Variants in DGKB observed in about 807,000 individuals in gnomAD.
DGKB encodes the protein diacylglycerol kinase beta, also known as 90 kDa diacylglycerol kinase.
A neutral mutation model predicts 114.3 loss-of-function variants in DGKB; 67 were observed. The observed-to-expected ratio is 0.59, with a 90% CI of 0.48 to 0.72. The LOEUF is 0.72. DGKB is among the 30% of genes least tolerant of loss of function. DGKB has a pLI of 0.00. For missense variants in DGKB, 907 were observed against 975.2 expected (o/e 0.93, Z 0.93); for synonymous variants, 398 against 323.1 (o/e 1.23, Z -2.49).
chr7:14,394,096 A>G (rs1446460449), intron 21 of DGKB, among the ~76,000 whole-genome samples: 1 of 152,184 alleles, frequency 6.6e-6, no homozygotes, highest in Non-Finnish European at 1.5e-5. Flanking sequence ...AGTGATGGAA[A>G]AGATCAATTA....
chr7:14,589,918 G>A (rs1251385302), intron 17 of DGKB, among the ~76,000 whole-genome samples: 1 of 147,434 alleles, frequency 6.8e-6, no homozygotes, highest in Admixed American at 6.8e-5. Context: ...ATGTTGCAGA[G>A]TATTCCCCAT....
Position 14,816,227 on chromosome 7 carries a change from T to C in DGKB, c.70+24967A>G, listed in dbSNP as rs113779738. Among the ~76,000 whole-genome samples, 1,007 of 152,194 alleles carry C rather than the reference T, an allele frequency of 6.6e-3. 11 individuals are homozygous for C. Among genetic ancestry groups the C allele is most frequent in the African/African-American group, 0.023 (950 of 41,516 alleles). On this transcript the variant is annotated intron_variant, in intron 2 of 25. Coordinates refer to ENST00000402815, the MANE Select transcript of DGKB (RefSeq NM_001350709.2). ...CATGGTCCTGTAGTCCCAGCTACTC[T>C]GGAGGCCGAGACAGGAGAATCGCTT... is the stretch of plus-strand genomic sequence containing the variant.
chr7:14,595,371 T>C (rs1270699526), intron 17 of DGKB, among the ~76,000 whole-genome samples: 1 of 151,966 alleles, frequency 6.6e-6, no homozygotes, highest in Non-Finnish European at 1.5e-5. Context: ...GGGAGAAAAC[T>C]AGTTTAGTAA....
intron 20 of DGKB, among the ~76,000 whole-genome samples, chr7:14,502,976 A>C (rs1345023282): frequency 6.6e-6 from 1 of 152,128 alleles, no homozygotes; most frequent in Non-Finnish European, 1.5e-5. Context: ...TCAACAAAAG[A>C]ACCACTAGAC....
At chr7:14,175,304 A>C (rs931322136) in intron 25 of DGKB, among the ~76,000 whole-genome samples, 1 of 152,200 alleles carries the variant, frequency 6.6e-6, no homozygotes, top group African/African-American at 2.4e-5. Context: ...ATTCAGCACA[A>C]TGCTTGTGCA....
At chr7:14,507,148 T>G (rs1009667194) in intron 20 of DGKB, among the ~76,000 whole-genome samples, 1 of 152,224 alleles carries the variant, frequency 6.6e-6, no homozygotes, top group African/African-American at 2.4e-5. Flanking sequence ...GCCTGCTTGT[T>G]GTTGCAGCAT....
intron 20 of DGKB, among the ~76,000 whole-genome samples, chr7:14,573,130 G>A (rs1034744605): frequency 1.8e-4 from 27 of 152,082 alleles, no homozygotes; most frequent in Non-Finnish European, 3.1e-4. Flanking sequence ...CACTAAGAAA[G>A]CTGTTAAAAA....
intron 19 of DGKB, among the ~76,000 whole-genome samples, chr7:14,575,241 A>C (rs1798951540): frequency 6.6e-6 from 1 of 152,154 alleles, no homozygotes; most frequent in African/African-American, 2.4e-5. Context: ...CAGTTCTCAA[A>C]ACTAGCCCTA....
chr7:14,639,898 T>G (rs934953128), intron 13 of DGKB, among the ~76,000 whole-genome samples: 2 of 152,214 alleles, frequency 1.3e-5, no homozygotes, highest in African/African-American at 4.8e-5. Context: ...AACAATTTCA[T>G]ATCCATGTTA....
chr7:14,482,318 GTTAA>G (rs1050005331), intron 20 of DGKB, among the ~76,000 whole-genome samples: 2 of 151,674 alleles, frequency 1.3e-5, no homozygotes, highest in Non-Finnish European at 2.9e-5. Context: ...TATTGAGATG[GTTAA>G]TTAAATAAAT....
At chr7:14,813,201 G>A (rs191878760) in intron 2 of DGKB, among the ~76,000 whole-genome samples, 40 of 152,222 alleles carry the variant, frequency 2.6e-4, no homozygotes, top group South Asian at 4.2e-4. Flanking sequence ...AACACTCGGC[G>A]TTCCTTGCTT....
chr7:14,265,318 C>CTTTTTTTTTTTTT lies in DGKB; in HGVS notation c.2122+73184_2122+73196dup. On this transcript the variant is annotated intron_variant, in intron 23 of 25. Transcript: ENST00000402815. ...GGACTGCTGTCTTTTCTCTTGCATT[C>CTTTTTTTTTTTTT]TTTTTTTTTTTTTTTTTTTTGCTTA... Among the ~76,000 whole-genome samples, 474 of 67,706 alleles carry CTTTTTTTTTTTTT rather than the reference C, an allele frequency of 7.0e-3. 27 individuals carry two copies. Among genetic ancestry groups the CTTTTTTTTTTTTT allele is most frequent in the Middle Eastern group, 0.014 (1 of 74 alleles). The allele number at this position is 67,706 out of a possible 152,430, so 44.4% of individuals were successfully genotyped here. A position where few individuals can be genotyped will look rare whatever the true frequency, so the allele number is the denominator to read the frequency against.
intron 1 of DGKB, among the ~76,000 whole-genome samples, chr7:14,956,913 C>T (rs1362992945): frequency 3.3e-5 from 5 of 151,590 alleles, no homozygotes; most frequent in Non-Finnish European, 5.9e-5. Context: ...TGTAGCCTTT[C>T]TTCCTGTCTG....
intron 17 of DGKB, among the ~76,000 whole-genome samples, chr7:14,583,602 T>C (rs1800281217): frequency 6.6e-6 from 1 of 152,182 alleles, no homozygotes; most frequent in Non-Finnish European, 1.5e-5. Flanking sequence ...TCTCCATTAC[T>C]GGGAGAAATT....
intron 20 of DGKB, among the ~76,000 whole-genome samples, chr7:14,527,170 C>T (rs1213298127): frequency 3.3e-5 from 5 of 152,084 alleles, no homozygotes; most frequent in South Asian, 2.1e-4. Context: ...AGTGTTATGC[C>T]TATAATTGAA....
chr7:14,487,382 A>G (rs1011781038), intron 20 of DGKB, among the ~76,000 whole-genome samples: 1 of 152,174 alleles, frequency 6.6e-6, no homozygotes, highest in African/African-American at 2.4e-5. Context: ...GGTTTTAAAA[A>G]AGCCAAGATG....
intron 2 of DGKB, among the ~76,000 whole-genome samples, chr7:14,817,642 T>G (rs1255956028): frequency 2.0e-5 from 3 of 152,208 alleles, no homozygotes; most frequent in African/African-American, 7.2e-5. Flanking sequence ...AGAATTTGAA[T>G]AAGAGTTAGG....
intron 20 of DGKB, among the ~76,000 whole-genome samples, chr7:14,527,744 A>C (rs1046074066): frequency 7.2e-5 from 11 of 152,114 alleles, no homozygotes; most frequent in Admixed American, 7.2e-4. Flanking sequence ...TATAAAATAC[A>C]ACATTGTAGA....
At chr7:14,689,066 TAGAG>T (rs995348793) in intron 9 of DGKB, among the ~76,000 whole-genome samples, 27 of 151,726 alleles carry the variant, frequency 1.8e-4, no homozygotes, top group East Asian at 1.9e-4. Flanking sequence ...TTAACTTATA[TAGAG>T]AGAGAGAGGA....
Sources: gnomAD v4.1 joint callset for allele counts (sites outside exome capture counted in the v4.1 genomes callset) on GRCh38, gnomAD v4.1.1 for gene constraint, MANE v1.5 for transcripts, NCBI Gene and HGNC (gene_info 2026-07-23, HGNC 2026-07-21) for gene names.